Variants in CDH8 observed in about 807,000 individuals in gnomAD.
The protein encoded by CDH8 is cadherin-8.
A neutral mutation model predicts 68.1 loss-of-function variants in CDH8; 17 were observed. The observed-to-expected ratio is 0.25, with a 90% CI of 0.17 to 0.37. The LOEUF (loss-of-function observed/expected upper bound fraction) is 0.37, where lower values mean the gene tolerates loss of function less well. CDH8 is among the 10% of genes least tolerant of loss of function. The probability of loss-of-function intolerance (pLI) is 1.00; values close to 1 mark genes in which losing one functional copy is unlikely to be tolerated. For synonymous variants in CDH8, 372 were observed against 365.1 expected (o/e 1.02, Z -0.21); for missense variants, 763 against 999.3 (o/e 0.76, Z 3.19).
chr16:62,005,695 C>T (rs1194518561), intron 2 of CDH8, among the ~76,000 whole-genome samples: 3 of 146,838 alleles, frequency 2.0e-5, no homozygotes. Flanking sequence ...CAGATCACGC[C>T]ACTGCATTCC....
chr16:61,662,516 G>A (rs1273775103), intron 10 of CDH8, among the ~76,000 whole-genome samples: 1 of 151,502 alleles, frequency 6.6e-6, no homozygotes, highest in African/African-American at 2.4e-5. Context: ...GAAGTTGAGG[G>A]TAAAACAACA....
At chr16:61,702,087 A>G (rs1964440283) in intron 10 of CDH8, among the ~76,000 whole-genome samples, 1 of 152,136 alleles carries the variant, frequency 6.6e-6, no homozygotes, top group Admixed American at 6.5e-5. Flanking sequence ...AATAAGTCAT[A>G]CTTGGCCAGG....
At chr16:61,918,467 G>C (rs1328422003) in intron 2 of CDH8, 1 of 152,540 alleles carries the variant, frequency 6.6e-6, no homozygotes, top group East Asian at 1.9e-4. Context: ...CGCACCATGC[G>C]CGAGCCGAAG....
chr16:61,721,098 C>T lies in CDH8; in HGVS notation c.1536+5996G>A, dbSNP rs765892358. 4.7e-4 allele frequency among the ~76,000 whole-genome samples: 71 copies of T among 150,562 alleles called. No homozygotes were observed. The Middle Eastern group carries it at 0.017, about 36-fold the overall frequency. On this transcript the variant is annotated intron_variant, in intron 9 of 11. Coordinates refer to ENST00000577390, the MANE Select transcript of CDH8 (RefSeq NM_001796.5). ...ATCTCACATTTAGATTGTTCAAGCT[C>T]CAAACCCTCCAATATATATATATTC...
intron 10 of CDH8, among the ~76,000 whole-genome samples, chr16:61,673,454 A>C (rs1401662693): frequency 6.6e-6 from 1 of 152,178 alleles, no homozygotes; most frequent in Non-Finnish European, 1.5e-5. Context: ...CTGTGAATTC[A>C]GATTTTTCTA....
At chr16:61,984,298 C>G (rs1965591367) in intron 2 of CDH8, among the ~76,000 whole-genome samples, 1 of 152,202 alleles carries the variant, frequency 6.6e-6, no homozygotes, top group African/African-American at 2.4e-5. Context: ...CGCCCCACTT[C>G]TAAAACCATC....
chr16:62,026,191 T>G (rs941583310), intron 1 of CDH8, among the ~76,000 whole-genome samples: 1 of 152,226 alleles, frequency 6.6e-6, no homozygotes, highest in Admixed American at 6.5e-5. Flanking sequence ...TGAAAATTAC[T>G]GAAAATTTAA....
intron 1 of CDH8, among the ~76,000 whole-genome samples, chr16:62,022,668 A>T (rs1225608224): frequency 1.3e-5 from 2 of 152,152 alleles, no homozygotes. Flanking sequence ...TGGCTCAGGG[A>T]ATTCATAAAA....
chr16:61,990,459 G>A (rs181568597), intron 2 of CDH8, among the ~76,000 whole-genome samples: 69 of 151,676 alleles, frequency 4.5e-4, no homozygotes, highest in African/African-American at 1.4e-3. Context: ...CCCAAAGTGC[G>A]TGTATTTTAG....
chr16:62,018,742 G>A (rs771131573), intron 2 of CDH8, among the ~76,000 whole-genome samples: 18 of 152,138 alleles, frequency 1.2e-4, no homozygotes, highest in African/African-American at 1.2e-4. Context: ...GTAGGAAACC[G>A]TGAAAAGGCT....
At chr16:61,666,081 C>T (rs915751862) in intron 10 of CDH8, among the ~76,000 whole-genome samples, 3 of 151,764 alleles carry the variant, frequency 2.0e-5, no homozygotes, top group Admixed American at 2.0e-4. Context: ...GGATGTAAAT[C>T]GTCCCTTTTT....
intron 4 of CDH8, among the ~76,000 whole-genome samples, chr16:61,833,851 T>C (rs1962512835): frequency 6.6e-6 from 1 of 151,934 alleles, no homozygotes; most frequent in Non-Finnish European, 1.5e-5. Flanking sequence ...ATAGGACTAC[T>C]TGCTTTCTTC....
At chr16:61,978,214 G>A (rs761502808) in intron 2 of CDH8, among the ~76,000 whole-genome samples, 21 of 152,162 alleles carry the variant, frequency 1.4e-4, no homozygotes, top group Non-Finnish European at 2.9e-4. Flanking sequence ...TCACAGTGCT[G>A]AAACACAATG....
At chr16:61,715,524 A>G (rs1428780127) in intron 9 of CDH8, among the ~76,000 whole-genome samples, 1 of 151,564 alleles carries the variant, frequency 6.6e-6, no homozygotes, top group East Asian at 1.9e-4. Context: ...TTTCTAGTCA[A>G]TGTTCAATAA....
intron 8 of CDH8, among the ~76,000 whole-genome samples, chr16:61,776,028 C>T (rs1400768595): frequency 1.3e-5 from 2 of 151,992 alleles, no homozygotes; most frequent in African/African-American, 4.8e-5. Flanking sequence ...ATGACAAATA[C>T]AATCCTTTAG....
At chr16:61,909,684 C>G (rs1964126235) in intron 2 of CDH8, among the ~76,000 whole-genome samples, 1 of 152,116 alleles carries the variant, frequency 6.6e-6, no homozygotes. Context: ...TACTTTGCTC[C>G]TAAATGGCAA....
chr16:61,850,544 G>A (rs1179121486), intron 4 of CDH8, among the ~76,000 whole-genome samples: 2 of 152,020 alleles, frequency 1.3e-5, no homozygotes, highest in Non-Finnish European at 2.9e-5. Flanking sequence ...TTTCTAAATT[G>A]CAGATTACGT....
intron 11 of CDH8, 65 bp downstream of exon 11, chr16:61,655,405 C>G: frequency 1.0e-5 from 14 of 1,395,814 alleles, no homozygotes; most frequent in South Asian, 8.5e-5. Flanking sequence ...AGTTTTCTGT[C>G]CTTATTTACA....
At position 61,817,341 on chromosome 16, in the gene CDH8, C is replaced by CAG. The variant is rs1962099367; in HGVS notation, c.1277+136_1277+137dup. The CAG allele has an allele frequency of 2.9e-5, 21 of 736,066 alleles. No individual in the cohort carries two copies. The East Asian group carries it at 5.7e-4, about 20-fold the overall frequency. 45.6% of individuals were successfully genotyped at this position (736,066 alleles called of 1,614,324 possible). A position where few individuals can be genotyped will look rare whatever the true frequency, so the allele number is the denominator to read the frequency against. On this transcript the variant is annotated intron_variant, in intron 7 of 11. Coordinates refer to ENST00000577390, the MANE Select transcript of CDH8 (RefSeq NM_001796.5). ...ACACACACACACACACACACACACA[C>CAG]AGTATGTGCCAACCAACATTATTTG...
Sources: allele counts gnomAD v4.1 joint callset (sites outside exome capture counted in the v4.1 genomes callset), GRCh38; gene constraint gnomAD v4.1.1; transcripts MANE v1.5; gene names NCBI Gene and HGNC (gene_info 2026-07-23, HGNC 2026-07-21).